EPHA5: variants seen among roughly 807,000 people sequenced by gnomAD.
The protein encoded by EPHA5 is EPH receptor A5.
Under a neutral mutation model 105.0 loss-of-function variants are expected in EPHA5, and 60 were observed. The ratio of observed to expected loss-of-function variants is 0.57; its 90% confidence interval spans 0.46 to 0.71. EPHA5 has a LOEUF of 0.71. EPHA5 is among the 30% of genes least tolerant of loss of function. The pLI, the probability that EPHA5 is intolerant of heterozygous loss-of-function variation, is 0.00. For missense variants in EPHA5, 1,218 were observed against 1,274.7 expected (o/e 0.96, Z 0.68); for synonymous variants, 513 against 449.1 (o/e 1.14, Z -1.80).
At chr4:65,429,797 T>C (rs957818996) in intron 5 of EPHA5, among the ~76,000 whole-genome samples, 1 of 152,082 alleles carries the variant, frequency 6.6e-6, no homozygotes, top group Non-Finnish European at 1.5e-5. Context: ...TGATACCATC[T>C]GACATGATTT....
In EPHA5 at chr4:65,332,001, T is replaced by C. The variant is rs2148798250; in HGVS notation, c.2917A>G (p.Met973Val). 1 of 1,610,902 alleles carries C rather than the reference T, an allele frequency of 6.2e-7. No homozygotes were observed. Among genetic ancestry groups the C allele is most frequent in the South Asian group, 1.1e-5 (1 of 90,904 alleles). ...AAGGTCACCTGAGCCACAGCGTCCA[T>C]TGAACTGTATCCATTTTCCATGAAA... ...EIFMENGYSS[M>V]DAVAQVTLED... Residue 973 changes from methionine (M) to valine (V), a missense_variant, in exon 16 of 17, where the codon ATG (methionine) becomes GTG (valine). Physicochemically the swap from Met to Val is conservative, Grantham distance 21. Around this residue, in one of 3 missense-constraint regions of EPHA5, gnomAD observed 971 missense variants for 1,013.5 expected, o/e 0.96. Coordinates refer to ENST00000613740, the MANE Select transcript of EPHA5 (RefSeq NM_001281766.3).
chr4:65,376,881 T>C, intron 8 of EPHA5: 2 of 806,256 alleles, frequency 2.5e-6, no homozygotes, highest in Non-Finnish European at 3.6e-6. Flanking sequence ...AGGATTCACC[T>C]TGGGGAGCCA....
chr4:65,393,572 T>C (rs766913275), intron 8 of EPHA5, among the ~76,000 whole-genome samples: 2 of 152,210 alleles, frequency 1.3e-5, no homozygotes, highest in African/African-American at 2.4e-5. Flanking sequence ...CAAGGTTTTA[T>C]CCAATAACTT....
intron 5 of EPHA5, among the ~76,000 whole-genome samples, chr4:65,472,734 C>A (rs562142456): frequency 2.1e-5 from 2 of 95,674 alleles, no homozygotes; most frequent in Non-Finnish European, 5.8e-5. Flanking sequence ...TGGGCCTGGC[C>A]CACAAAACCT....
intron 3 of EPHA5, chr4:65,573,794 G>A: frequency 6.2e-7 from 1 of 1,613,718 alleles, no homozygotes; most frequent in South Asian, 1.1e-5. Flanking sequence ...TTCGCAAAAT[G>A]CCTAGATATT....
At chr4:65,665,302 A>G (rs1054943004) in intron 1 of EPHA5, among the ~76,000 whole-genome samples, 5 of 152,058 alleles carry the variant, frequency 3.3e-5, no homozygotes, top group Non-Finnish European at 7.4e-5. Context: ...AGGAGATTCA[A>G]GTGGTAGAGT....
intron 11 of EPHA5, among the ~76,000 whole-genome samples, chr4:65,356,047 A>G (rs1178574920): frequency 1.3e-5 from 2 of 151,514 alleles, no homozygotes; most frequent in Admixed American, 6.6e-5. Flanking sequence ...GCAAACATCT[A>G]GAGAATATAG....
At chr4:65,625,427 T>A (rs1746048098) in intron 2 of EPHA5, among the ~76,000 whole-genome samples, 1 of 152,158 alleles carries the variant, frequency 6.6e-6, no homozygotes, top group Non-Finnish European at 1.5e-5. Flanking sequence ...GCAGATACAA[T>A]CATACAGTAT....
At chr4:65,325,264 C>T (rs1392597510) in intron 16 of EPHA5, among the ~76,000 whole-genome samples, 1 of 151,208 alleles carries the variant, frequency 6.6e-6, no homozygotes, top group Non-Finnish European at 1.5e-5. Context: ...AGAATAATCA[C>T]AGGTAGAAAC....
chr4:65,459,856 A>G (rs1442510639), intron 5 of EPHA5, among the ~76,000 whole-genome samples: 1 of 151,860 alleles, frequency 6.6e-6, no homozygotes, highest in African/African-American at 2.4e-5. Context: ...TAAAATCAGC[A>G]AATGAAAGAA....
intron 11 of EPHA5, among the ~76,000 whole-genome samples, chr4:65,364,577 A>C (rs918457158): frequency 6.6e-6 from 1 of 151,658 alleles, no homozygotes; most frequent in African/African-American, 2.4e-5. Flanking sequence ...CATATCTTTA[A>C]AAAATGAATA....
At chr4:65,334,219 T>C (rs1305856376) in intron 15 of EPHA5, among the ~76,000 whole-genome samples, 1 of 151,996 alleles carries the variant, frequency 6.6e-6, no homozygotes. Context: ...TGCTTAATGC[T>C]GTATCCTCAG....
intron 7 of EPHA5, 90 bp downstream of exon 7, chr4:65,414,194 G>C (rs2149017713): frequency 8.7e-7 from 1 of 1,143,814 alleles, no homozygotes; most frequent in Non-Finnish European, 1.3e-6. Context: ...GAGTGAGACT[G>C]ACAGAGTGCC....
At chr4:65,515,628 T>C (rs1275666938) in intron 3 of EPHA5, among the ~76,000 whole-genome samples, 1 of 152,192 alleles carries the variant, frequency 6.6e-6, no homozygotes, top group African/African-American at 2.4e-5. Flanking sequence ...TTCTAATAAC[T>C]TGCAGTTAGT....
intron 8 of EPHA5, among the ~76,000 whole-genome samples, chr4:65,391,437 A>T (rs1273399706): frequency 3.9e-5 from 6 of 152,138 alleles, no homozygotes; most frequent in Admixed American, 3.3e-4. Context: ...ATCTTGAACA[A>T]ATGTGGCTTT....
chr4:65,334,046 A>G (rs1720941772), intron 15 of EPHA5, among the ~76,000 whole-genome samples: 1 of 151,908 alleles, frequency 6.6e-6, no homozygotes. Flanking sequence ...AGATATCATC[A>G]TGTCTCGCCT....
intron 3 of EPHA5, 114 bp downstream of exon 3, chr4:65,601,527 A>G (rs1743721890): frequency 1.9e-6 from 2 of 1,044,960 alleles, no homozygotes; most frequent in Non-Finnish European, 1.4e-6. Context: ...GAGAGAAATA[A>G]TCTCCATAAA....
In EPHA5 at chr4:65,336,576, A is replaced by T. The variant is rs948007566; in HGVS notation, c.2596-451T>A. Among the ~76,000 whole-genome samples, 8 of 152,244 alleles carry T rather than the reference A, an allele frequency of 5.3e-5. 1 individual carries two copies. Among genetic ancestry groups the T allele is most frequent in the Admixed American group, 3.3e-4 (5 of 15,264 alleles). Reference sequence around the variant, plus strand: ...GTAATAGAACTGTAATTTTACTTCAAAAGAGACTTTTCGATGGTAAATGAT... The same window carrying T: ...GTAATAGAACTGTAATTTTACTTCATAAGAGACTTTTCGATGGTAAATGAT... On this transcript the variant is annotated intron_variant, in intron 14 of 16. Transcript: ENST00000613740.
chr4:65,457,635 T>C (rs1727725812), intron 5 of EPHA5, among the ~76,000 whole-genome samples: 1 of 151,966 alleles, frequency 6.6e-6, no homozygotes. Flanking sequence ...TCTATACATA[T>C]TATCTTTTTC....
Sources: gnomAD v4.1 joint callset for allele counts (sites outside exome capture counted in the v4.1 genomes callset) on GRCh38, gnomAD v4.1.1 for gene constraint, gnomAD v4.1.1 regional missense constraint, MANE v1.5 for transcripts, NCBI Gene and HGNC (gene_info 2026-07-23, HGNC 2026-07-21) for gene names.